CACNA2D2: variants seen among roughly 807,000 people sequenced by gnomAD.
CACNA2D2 encodes the protein calcium voltage-gated channel auxiliary subunit alpha2delta 2, also known as voltage-dependent calcium channel subunit alpha-2/delta-2.
CACNA2D2 carries 48 observed loss-of-function variants against 166.4 expected under a neutral mutation model. That is an observed-to-expected ratio of 0.29 (90% CI 0.23 to 0.37). The LOEUF (loss-of-function observed/expected upper bound fraction) is 0.37, where lower values mean the gene tolerates loss of function less well. CACNA2D2 is among the 10% of genes least tolerant of loss of function. CACNA2D2 has a pLI of 1.00. For synonymous variants in CACNA2D2, 561 were observed against 573.7 expected (o/e 0.98, Z 0.32); for missense variants, 1,122 against 1,433.0 (o/e 0.78, Z 3.50).
Position 50,418,871 on chromosome 3 carries a change from G to C in CACNA2D2, c.405+15442C>G, listed in dbSNP as rs74755659. ...GGATTTTGAGTCCCTGAGCCTTTGC[G>C]GGTATGGAGGGGAGCCTGGCCTCTG... On this transcript the variant is annotated intron_variant, in intron 3 of 37. Coordinates refer to ENST00000424201, the MANE Select transcript of CACNA2D2 (RefSeq NM_006030.4). 2.0e-5 allele frequency among the ~76,000 whole-genome samples: 3 copies of C among 152,338 alleles called. No individual in the cohort carries two copies. The East Asian group carries it at 5.8e-4, about 29-fold the overall frequency.
At chr3:50,468,642 C>A (rs12637870) in intron 2 of CACNA2D2, among the ~76,000 whole-genome samples, 22,252 of 151,732 alleles carry the variant, frequency 0.15, 2,165 homozygotes, top group South Asian at 0.4. Flanking sequence ...GACAGAGAAC[C>A]CAGGCAGAGA....
chr3:50,378,864 A>G, intron 13 of CACNA2D2, 51 bp downstream of exon 13: 1 of 1,608,272 alleles, frequency 6.2e-7, no homozygotes, highest in Non-Finnish European at 8.5e-7. Flanking sequence ...TACGCAATCG[A>G]CAAAAAGAAA....
chr3:50,447,877 TG>T (rs1559958153), intron 2 of CACNA2D2, among the ~76,000 whole-genome samples: 2 of 152,156 alleles, frequency 1.3e-5, no homozygotes, highest in African/African-American at 4.8e-5. Context: ...ACACCCTGAC[TG>T]GATCAGGGCT....
At chr3:50,453,748 G>A (rs1028533991) in intron 2 of CACNA2D2, among the ~76,000 whole-genome samples, 7 of 152,192 alleles carry the variant, frequency 4.6e-5, no homozygotes, top group African/African-American at 1.2e-4. Context: ...TTGGCGAGAC[G>A]GGAATGGACT....
chr3:50,378,196 G>A (rs1440259364), intron 14 of CACNA2D2, 88 bp downstream of exon 14: 7 of 1,565,698 alleles, frequency 4.5e-6, no homozygotes, highest in Non-Finnish European at 8.7e-7. Flanking sequence ...CACTGTGAGG[G>A]GGCGCCCTTG....
intron 1 of CACNA2D2, 118 bp from the exon 2 acceptor site, chr3:50,476,317 G>A (rs774642982): frequency 1.2e-5 from 9 of 730,224 alleles, no homozygotes; most frequent in Non-Finnish European, 2.1e-5. Context: ...ATTTTCACTA[G>A]AGGAGGACCC....
Position 50,446,458 on chromosome 3 carries a change from C to T in CACNA2D2, c.289-12029G>A, listed in dbSNP as rs1461508027. Reference sequence around the variant, plus strand: ...ACAGACCCTGTTTCGGACTCTGCCTCCATCTCCCCAGCAGCTGTCTCCAGC... The same window carrying T: ...ACAGACCCTGTTTCGGACTCTGCCTTCATCTCCCCAGCAGCTGTCTCCAGC... On this transcript the variant is annotated intron_variant, in intron 2 of 37. Transcript: ENST00000424201. Among the ~76,000 whole-genome samples, 8 of 152,342 alleles carry T rather than the reference C, an allele frequency of 5.3e-5. No individual in the cohort carries two copies. In the East Asian group the frequency reaches 1.5e-3, roughly 29 times the overall value.
At chr3:50,408,137 C>T (rs1706812506) in intron 3 of CACNA2D2, among the ~76,000 whole-genome samples, 1 of 152,216 alleles carries the variant, frequency 6.6e-6, no homozygotes, top group Admixed American at 6.5e-5. Context: ...GGGTGACTCA[C>T]CCACCCAAGA....
chr3:50,459,559 C>T (rs1175144010), intron 2 of CACNA2D2, among the ~76,000 whole-genome samples: 3 of 152,192 alleles, frequency 2.0e-5, no homozygotes, highest in Non-Finnish European at 2.9e-5. Flanking sequence ...TGATCTGGGA[C>T]TCCGAAGCCC....
intron 3 of CACNA2D2, among the ~76,000 whole-genome samples, chr3:50,418,516 G>A (rs1280923111): frequency 6.6e-6 from 1 of 152,196 alleles, no homozygotes; most frequent in Non-Finnish European, 1.5e-5. Flanking sequence ...TCAACTCCTT[G>A]GGGATGTCTC....
rs1319573235 is a variant in CACNA2D2 at position 50,364,785 on chromosome 3, G to C, written c.3313C>G (p.Arg1105Gly). The C allele has an allele frequency of 6.2e-7, 1 of 1,603,016 alleles. No individual in the cohort carries two copies. Among genetic ancestry groups the C allele is most frequent in the African/African-American group, 1.3e-5 (1 of 74,444 alleles). The change falls in exon 38 of 38, where the codon CGC becomes GGC. Residue 1105 changes from arginine to glycine, a missense_variant. By Grantham distance (125) the Arg-to-Gly change is moderately radical. Around this residue, in one of 2 missense-constraint regions of CACNA2D2, gnomAD observed 282 missense variants for 266.2 expected, o/e 1.06. Coordinates refer to ENST00000424201, the MANE Select transcript of CACNA2D2 (RefSeq NM_006030.4). ...NATEDTSDCGRGASFPPSLGV... is the reference protein window; with the variant it reads ...NATEDTSDCGGGASFPPSLGV... The stretch of plus-strand genomic sequence containing the variant: ...AGCGACGGCGGGAAGGAGGCCCCGC[G>C]GCCACAGTCTGAGGTATCTTCCTGC...
chr3:50,483,035 A>G (rs1330290177), intron 1 of CACNA2D2, among the ~76,000 whole-genome samples: 1 of 152,172 alleles, frequency 6.6e-6, no homozygotes, highest in East Asian at 1.9e-4. Context: ...TACAAAGACC[A>G]CAGAGGGGAC....
intron 3 of CACNA2D2, among the ~76,000 whole-genome samples, chr3:50,405,911 C>T (rs889576769): frequency 5.3e-5 from 8 of 152,160 alleles, no homozygotes; most frequent in African/African-American, 1.9e-4. Flanking sequence ...CTAGCCAAAC[C>T]AGACTTCCTA....
intron 2 of CACNA2D2, among the ~76,000 whole-genome samples, chr3:50,450,591 C>G (rs1709049495): frequency 1.3e-5 from 2 of 152,206 alleles, no homozygotes. Context: ...ACATTCAGCG[C>G]CAAATTAGCA....
chr3:50,493,872 C>T (rs1160583390), intron 1 of CACNA2D2, among the ~76,000 whole-genome samples: 1 of 152,204 alleles, frequency 6.6e-6, no homozygotes, highest in African/African-American at 2.4e-5. Context: ...AGCCAGCAGC[C>T]TGGAGAGGGA....
intron 2 of CACNA2D2, among the ~76,000 whole-genome samples, chr3:50,437,858 CA>C (rs905892570): frequency 4.6e-5 from 7 of 152,206 alleles, no homozygotes; most frequent in African/African-American, 1.4e-4. Flanking sequence ...TGCAGAGCCT[CA>C]ACCACCACAG....
rs920575414 is a variant in CACNA2D2 at position 50,427,375 on chromosome 3, C to T, written c.405+6938G>A. 3.3e-5 allele frequency among the ~76,000 whole-genome samples: 5 copies of T among 152,232 alleles called. No individual in the cohort carries two copies. Among genetic ancestry groups the T allele is most frequent in the Admixed American group, 1.3e-4 (2 of 15,292 alleles). On this transcript the variant is annotated intron_variant, in intron 3 of 37. Coordinates refer to ENST00000424201, the MANE Select transcript of CACNA2D2 (RefSeq NM_006030.4). This position sits in a 1 kb window ranked among gnomAD's most constrained non-coding sequence, Gnocchi z 4.7. ...GGGACCCCCAGCTGGCTCCTGTGGGCGGCAACTTGCCAGGAAGCAGCGGCA... is the reference window on the plus strand; with the variant it reads ...GGGACCCCCAGCTGGCTCCTGTGGGTGGCAACTTGCCAGGAAGCAGCGGCA...
intron 2 of CACNA2D2, among the ~76,000 whole-genome samples, chr3:50,441,769 C>T (rs1708611197): frequency 6.6e-6 from 1 of 152,262 alleles, no homozygotes; most frequent in Non-Finnish European, 1.5e-5. Context: ...GCCTGTATCT[C>T]AGGGGAGAAC....
At chr3:50,393,848 G>A (rs1706008915) in intron 4 of CACNA2D2, among the ~76,000 whole-genome samples, 2 of 152,198 alleles carry the variant, frequency 1.3e-5, no homozygotes, top group African/African-American at 4.8e-5. Context: ...GGGAACACAG[G>A]GAACACTACT....
Sources: gnomAD v4.1 joint callset for allele counts (sites outside exome capture counted in the v4.1 genomes callset) on GRCh38, gnomAD v4.1.1 for gene constraint, gnomAD v4.1.1 regional missense constraint, Gnocchi (gnomAD v3.1) non-coding constraint, MANE v1.5 for transcripts, NCBI Gene and HGNC (gene_info 2026-07-23, HGNC 2026-07-21) for gene names.